The following TREML1 variants were observed in gnomAD, a reference collection of about 807,000 sequenced individuals.
TREML1 encodes the protein triggering receptor expressed on myeloid cells like 1, also known as trem-like transcript 1 protein.
Under a neutral mutation model 22.8 loss-of-function variants are expected in TREML1, and 27 were observed. The observed-to-expected ratio is 1.19, with a 90% CI of 0.87 to 1.64. The LOEUF (loss-of-function observed/expected upper bound fraction) is 1.64. TREML1 is among the 40% of genes most tolerant of loss of function. The probability of loss-of-function intolerance (pLI) is 0.00; values close to 1 mark genes in which losing one functional copy is unlikely to be tolerated. For synonymous variants in TREML1, 153 were observed against 161.9 expected (o/e 0.94, Z 0.42); for missense variants, 356 against 382.0 (o/e 0.93, Z 0.57).
At chr6:41,151,019 A>G (rs1765230380) in intron 3 of TREML1, 112 bp from the exon 4 acceptor site, 1 of 897,258 alleles carries the variant, frequency 1.1e-6, no homozygotes, top group Non-Finnish European at 1.8e-6. Flanking sequence ...GGAGAGGGAG[A>G]TGAAATAGAA....
chr6:41,151,563 A>G (rs763885125), intron 2 of TREML1, 179 bp from the exon 3 acceptor site: 10 of 600,060 alleles, frequency 1.7e-5, no homozygotes, highest in Middle Eastern at 8.9e-4. Context: ...CTGTCACTCC[A>G]CAGATCAGGA....
intron 2 of TREML1, among the ~76,000 whole-genome samples, chr6:41,152,332 A>C (rs888155797): frequency 6.6e-6 from 1 of 151,996 alleles, no homozygotes; most frequent in East Asian, 1.9e-4. Flanking sequence ...CACCTGCCCC[A>C]TGGCAGCAGG....
chr6:41,149,952 C>T (rs1385321797), intron 5 of TREML1, 34 bp from the exon 6 acceptor site: 2 of 1,592,076 alleles, frequency 1.3e-6, no homozygotes, highest in Non-Finnish European at 8.6e-7. Context: ...GGAATGCCTC[C>T]CTCTGCCCCA....
Position 41,149,744 on chromosome 6 carries a change from G to A in TREML1, c.796C>T (p.Pro266Ser), listed in dbSNP as rs148163083. 177 of 1,614,226 alleles carry A rather than the reference G, an allele frequency of 1.1e-4. 1 individual carries two copies. In the East Asian group the frequency reaches 3.3e-3, roughly 30 times the overall value. ...ACCAGGACCTTAGGAGGTAGAGGGGGCAATGAGGATGGAGCTGGGAGTGAA... is the reference window on the plus strand; with the variant it reads ...ACCAGGACCTTAGGAGGTAGAGGGGACAATGAGGATGGAGCTGGGAGTGAA... ...KPSLPAPSSL[P>S]PLPPKVLVCS... Residue 266 changes from proline (P) to serine (S), a missense_variant, in exon 6 of 6, where the codon CCC (proline) becomes TCC (serine). Pro to Ser is a moderately conservative substitution (Grantham distance 74). Transcript: ENST00000426005.
chr6:41,149,800 C>T lies in TREML1; in HGVS notation c.740G>A (p.Ser247Asn). 6.2e-7 allele frequency: 1 copy of T among 1,614,078 alleles called. No individual in the cohort carries two copies. Among genetic ancestry groups the T allele is most frequent in the Non-Finnish European group, 8.5e-7 (1 of 1,180,018 alleles). The change falls in exon 6 of 6, where the codon AGC becomes AAC. Residue 247 changes from serine to asparagine, a missense_variant. Coordinates refer to ENST00000426005, the MANE Select transcript of TREML1 (RefSeq NM_178174.4). Reference sequence around the variant, plus strand: ...TCCTGATGGGGAATCAAGAGGTAGGCTGGTGTAGGTGGTATTGTCAAATGA... The same window carrying T: ...TCCTGATGGGGAATCAAGAGGTAGGTTGGTGTAGGTGGTATTGTCAAATGA... The part of the protein sequence containing the change: ...PPSFDNTTYT[S>N]LPLDSPSGKP...
chr6:41,155,386 T>TCG (rs1443555940), upstream of TREML1, among the ~76,000 whole-genome samples: 1 of 151,424 alleles, frequency 6.6e-6, no homozygotes, highest in Non-Finnish European at 1.5e-5. Flanking sequence ...TCTCTCTCTC[T>TCG]CTCTCTCTCT....
At chr6:41,154,781 C>T (rs1459287165), upstream of TREML1, among the ~76,000 whole-genome samples, 1 of 152,194 alleles carries the variant, frequency 6.6e-6, no homozygotes, top group Non-Finnish European at 1.5e-5. Context: ...GAAGTTTCAC[C>T]TTGATCCTGT....
At chr6:41,150,694 C>A in intron 4 of TREML1, 125 bp downstream of exon 4, 1 of 840,520 alleles carries the variant, frequency 1.2e-6, no homozygotes, top group East Asian at 2.6e-5. Context: ...ATATGGGGGC[C>A]TTGAGACTTA....
At chr6:41,155,375 TTCTCTCTCTC>T (rs3049085), upstream of TREML1, among the ~76,000 whole-genome samples, 1 of 136,726 alleles carries the variant, frequency 7.3e-6, no homozygotes, top group African/African-American at 3.0e-5. Flanking sequence ...GAGTAAACGT[TTCTCTCTCTC>T]TCTCTCTCTC....
upstream of TREML1, among the ~76,000 whole-genome samples, chr6:41,155,375 T>TCTCTCTCTCTCTCTCTCTCTCTC (rs1765393079): frequency 1.7e-4 from 23 of 136,830 alleles, no homozygotes; most frequent in Admixed American, 1.4e-3. Context: ...GAGTAAACGT[T>TCTCTCTCTCTCTCTCTCTCTCTC]TCTCTCTCTC....
In TREML1 at chr6:41,151,404, G is replaced by A; in HGVS notation, c.377-20C>T. The stretch of plus-strand genomic sequence containing the variant: ...CTTCCTCTGTCAGGCCAGGAATGGA[G>A]TCAGAAGGAAACATTTAATGAGTGC... On this transcript the variant is annotated intron_variant, in intron 2 of 5. Transcript: ENST00000426005. The A allele has an allele frequency of 6.2e-7, 1 of 1,606,774 alleles. No homozygotes were observed. The highest frequency in any genetic ancestry group is 8.5e-7 in the Non-Finnish European group (1 of 1,173,300).
At chr6:41,154,111 G>A (rs1225970555) in intron 1 of TREML1, 21 bp from the exon 2 acceptor site, 8 of 1,602,752 alleles carry the variant, frequency 5.0e-6, no homozygotes, top group Non-Finnish European at 6.8e-6. Flanking sequence ...AAAGGAGGTG[G>A]GAATTTTGGG....
In TREML1 at chr6:41,151,339, G is replaced by A. The variant is rs1561873275; in HGVS notation, c.422C>T (p.Ala141Val). The A allele has an allele frequency of 1.9e-6, 3 of 1,614,196 alleles. No homozygotes were observed. The highest frequency in any genetic ancestry group is 1.7e-6 in the Non-Finnish European group (2 of 1,180,026). Residue 141 changes from alanine to valine, a missense_variant, in exon 3 of 6, where the codon GCA becomes GTA. By Grantham distance (64) the Ala-to-Val change is moderately conservative (BLOSUM62 0). Coordinates refer to ENST00000426005, the MANE Select transcript of TREML1 (RefSeq NM_178174.4). ...GGCACTGCCTGCAGGGTCTGAGAAT[G>A]CGTTCTCAGCCAGACTGCCAATCTT... ...THKIGSLAEN[A>V]FSDPAGSANP...
chr6:41,154,376 T>C, upstream of TREML1: 1 of 1,143,130 alleles, frequency 8.7e-7, no homozygotes, highest in South Asian at 1.3e-5. Flanking sequence ...CCTCAGAAAG[T>C]CACTTGGGGT....
rs1284168290 is a variant in TREML1, at chr6:41,149,742, G to A, written c.798C>T (p.Pro266=). ...AGACCAGGACCTTAGGAGGTAGAGG[G>A]GGCAATGAGGATGGAGCTGGGAGTG... ...KPSLPAPSSL[P]PLPPKVLVCS... The change falls in exon 6 of 6, where the codon CCC becomes CCT. Residue 266 remains proline, a synonymous_variant. Transcript: ENST00000426005. 2 of 1,614,166 alleles carry A rather than the reference G, an allele frequency of 1.2e-6. No homozygotes were observed. The highest frequency in any genetic ancestry group is 1.7e-5 in the Admixed American group (1 of 60,030).
chr6:41,153,760 G>A lies in TREML1; in HGVS notation c.374C>T (p.Pro125Leu). 3 of 1,602,496 alleles carry A rather than the reference G, an allele frequency of 1.9e-6. No individual in the cohort carries two copies. The highest frequency in any genetic ancestry group is 2.6e-6 in the Non-Finnish European group (3 of 1,173,290). ...LHRVSLNILP[P>L]EEEEETHKIG... Reference sequence around the variant, plus strand: ...GTAGCTGGCCTAGGATAACTCACCTGGGGGCAGTATGTTCAGAGAGACTCT... The same window carrying A: ...GTAGCTGGCCTAGGATAACTCACCTAGGGGCAGTATGTTCAGAGAGACTCT... The change falls in exon 2 of 6, where the codon CCA (proline) becomes CTA (leucine). Residue 125 changes from proline (P) to leucine (L), a missense_variant and splice_region_variant. Coordinates refer to ENST00000426005, the MANE Select transcript of TREML1 (RefSeq NM_178174.4).
chr6:41,149,701 G>C lies in TREML1; in HGVS notation c.839C>G (p.Thr280Arg), dbSNP rs148233882. Residue 280 changes from threonine (T) to arginine (R), a missense_variant, in exon 6 of 6, where the codon ACA (threonine) becomes AGA (arginine). Coordinates refer to ENST00000426005, the MANE Select transcript of TREML1 (RefSeq NM_178174.4). ...TCCCGGGAAGATTACTGTGGCATAT[G>C]TCACAGGCTTGGAGCAGACCAGGAC... ...PKVLVCSKPV[T>R]YATVIFPGGN... The C allele has an allele frequency of 8.2e-5, 133 of 1,614,222 alleles. No homozygotes were observed. The African/African-American group carries it at 1.6e-3, about 19-fold the overall frequency.
upstream of TREML1, chr6:41,154,378 A>C (rs1582071789): frequency 7.0e-6 from 8 of 1,136,624 alleles, no homozygotes; most frequent in East Asian, 1.7e-4. Context: ...TCAGAAAGTC[A>C]CTTGGGGTGG....
Position 41,149,811 on chromosome 6 carries a change from G to A in TREML1, c.729C>T (p.Thr243=). ...AATCAAGAGGTAGGCTGGTGTAGGT[G>A]GTATTGTCAAATGAAGGTGGTGAGT... is the stretch of plus-strand genomic sequence containing the variant. ...RLDSPPSFDN[T]TYTSLPLDSP... is the part of the protein sequence containing the mutation. Residue 243 remains threonine (T), a synonymous_variant, in exon 6 of 6, where the codon ACC becomes ACT. Coordinates refer to ENST00000426005, the MANE Select transcript of TREML1 (RefSeq NM_178174.4). The A allele has an allele frequency of 1.9e-6, 3 of 1,614,126 alleles. No individual in the cohort carries two copies. In the South Asian group the frequency reaches 3.3e-5, roughly 18 times the overall value.
Sources: allele counts gnomAD v4.1 joint callset (sites outside exome capture counted in the v4.1 genomes callset), GRCh38; gene constraint gnomAD v4.1.1; transcripts MANE v1.5; gene names NCBI Gene and HGNC (gene_info 2026-07-23, HGNC 2026-07-21).